The following NRDC variants were observed in gnomAD, a reference collection of about 807,000 sequenced individuals.
NRDC encodes nardilysin convertase, also known as nardilysin.
NRDC carries 54 observed loss-of-function variants against 147.1 expected under a neutral mutation model. That is an observed-to-expected ratio of 0.37 (90% CI 0.29 to 0.46). NRDC has a LOEUF of 0.46. Among genes scored for constraint, NRDC ranks in the 20% least tolerant of loss-of-function variants. The pLI is 1.00. For missense variants in NRDC, 1,082 were observed against 1,370.6 expected (o/e 0.79, Z 3.33); for synonymous variants, 440 against 482.1 (o/e 0.91, Z 1.14).
At chr1:51,838,234 T>C (rs1681082899) in intron 2 of NRDC, among the ~76,000 whole-genome samples, 1 of 152,278 alleles carries the variant, frequency 6.6e-6, no homozygotes, top group East Asian at 1.9e-4. Flanking sequence ...AAAGGTAGCA[T>C]CTAAGCCATT....
chr1:51,861,246 G>A (rs762485797), intron 1 of NRDC, among the ~76,000 whole-genome samples: 7 of 143,194 alleles, frequency 4.9e-5, no homozygotes, highest in South Asian at 2.1e-4. Context: ...CACTGCACCC[G>A]GCTGCCCAAG....
At chr1:51,851,497 A>G (rs1681944921) in intron 1 of NRDC, among the ~76,000 whole-genome samples, 1 of 151,410 alleles carries the variant, frequency 6.6e-6, no homozygotes, top group African/African-American at 2.4e-5. Context: ...TTTGTAGCCC[A>G]TTAGGGTGTA....
At chr1:51,854,785 T>G (rs1682152130) in intron 1 of NRDC, among the ~76,000 whole-genome samples, 1 of 152,106 alleles carries the variant, frequency 6.6e-6, no homozygotes, top group Non-Finnish European at 1.5e-5. Context: ...GCCAAGGAAG[T>G]TAAGAGTCAC....
rs564190884 is a variant in NRDC at position 51,813,685 on chromosome 1, T to C, written c.1674+350A>G. On this transcript the variant is annotated intron_variant, in intron 14 of 30. Transcript: ENST00000352171. ...AACATTATACATGGTAAATATAAAT[T>C]ACCTTATAGAATGTCTTCACAATAT... 2.6e-5 allele frequency among the ~76,000 whole-genome samples: 4 copies of C among 152,278 alleles called. 1 individual carries two copies. The South Asian group carries it at 8.3e-4, about 32-fold the overall frequency.
intron 1 of NRDC, among the ~76,000 whole-genome samples, chr1:51,875,747 GCTCA>G (rs34338491): frequency 0.24 from 37,079 of 151,668 alleles, 5,665 homozygotes; most frequent in Non-Finnish European, 0.34. Context: ...AGAGACAGGG[GCTCA>G]CTATGTTGCC....
At chr1:51,806,771 G>C in intron 18 of NRDC, 23 bp downstream of exon 18, 4 of 1,607,884 alleles carry the variant, frequency 2.5e-6, no homozygotes, top group Non-Finnish European at 3.4e-6. Flanking sequence ...CAGCAGGGAA[G>C]TAACAGGAGG....
intron 1 of NRDC, among the ~76,000 whole-genome samples, chr1:51,877,822 C>T (rs887250765): frequency 6.6e-6 from 1 of 152,198 alleles, no homozygotes; most frequent in Non-Finnish European, 1.5e-5. Context: ...TGAAGCCACA[C>T]CATCCTCTGG....
intron 4 of NRDC, among the ~76,000 whole-genome samples, chr1:51,829,273 T>C (rs1042651619): frequency 6.6e-6 from 1 of 152,194 alleles, no homozygotes. Context: ...CTCCAGCTGC[T>C]GGGCTCAAGT....
At chr1:51,849,153 G>A (rs893236708) in intron 1 of NRDC, among the ~76,000 whole-genome samples, 6 of 152,144 alleles carry the variant, frequency 3.9e-5, no homozygotes, top group African/African-American at 4.8e-5. Flanking sequence ...TTGGGAGGCC[G>A]AGACGGGCGG....
At chr1:51,866,637 C>A (rs1331770422) in intron 1 of NRDC, among the ~76,000 whole-genome samples, 1 of 149,514 alleles carries the variant, frequency 6.7e-6, no homozygotes, top group African/African-American at 2.5e-5. Flanking sequence ...TTGGTTAACA[C>A]AAATAACTAG....
chr1:51,825,344 C>T lies in NRDC; in HGVS notation c.979G>A (p.Glu327Lys). 2 of 1,593,146 alleles carry T rather than the reference C, an allele frequency of 1.3e-6. No individual in the cohort carries two copies. The highest frequency in any genetic ancestry group is 1.7e-6 in the Non-Finnish European group (2 of 1,174,848). The change falls in exon 6 of 31, where the codon GAA becomes AAA. Residue 327 changes from glutamate to lysine, a missense_variant. By Grantham distance (56) the Glu-to-Lys change is moderately conservative. Around this residue, in one of 3 missense-constraint regions of NRDC, gnomAD observed 635 missense variants for 923.8 expected, o/e 0.69. Transcript: ENST00000352171. Reference sequence around the variant, plus strand: ...CTAGCAAGGCTTCCAAACAACATTTCCTTTCTGTTTGCATCAGAAGGCCTT... The same window carrying T: ...CTAGCAAGGCTTCCAAACAACATTTTCTTTCTGTTTGCATCAGAAGGCCTT... The part of the protein sequence containing the change: ...LARPSDANRK[E>K]MLFGSLARPG...
chr1:51,878,647 C>T lies in NRDC; in HGVS notation c.-32G>A. 1 of 1,566,770 alleles carries T rather than the reference C, an allele frequency of 6.4e-7. No individual in the cohort carries two copies. The highest frequency in any genetic ancestry group is 8.7e-7 in the Non-Finnish European group (1 of 1,151,512). ...CCAAGCTGGAGCGATGGACATCCCG[C>T]TTCCCAGGACCCACCTCCTCCGCGT... On this transcript the variant is annotated 5_prime_UTR_variant, in exon 1 of 31. Transcript: ENST00000352171.
intron 9 of NRDC, 49 bp from the exon 10 acceptor site, chr1:51,818,184 A>G (rs1156734370): frequency 8.3e-7 from 1 of 1,204,442 alleles, no homozygotes; most frequent in African/African-American, 1.6e-5. Context: ...TTTCTCTATG[A>G]CTTTTACTAC....
At chr1:51,791,487 T>C in intron 27 of NRDC, 91 bp downstream of exon 27, 4 of 1,029,294 alleles carry the variant, frequency 3.9e-6, no homozygotes, top group Non-Finnish European at 6.1e-6. Flanking sequence ...ACCTGCTTGG[T>C]CAGGGTTGCC....
chr1:51,820,205 C>G (rs1278646015), intron 8 of NRDC, among the ~76,000 whole-genome samples: 2 of 152,134 alleles, frequency 1.3e-5, no homozygotes, highest in Non-Finnish European at 2.9e-5. Context: ...CAGAAAGAAA[C>G]AAACTAGAGA....
chr1:51,828,798 G>A lies in NRDC; in HGVS notation c.867-929C>T, dbSNP rs1446185327. On this transcript the variant is annotated intron_variant, in intron 4 of 30. Transcript: ENST00000352171. Reference sequence around the variant, plus strand: ...CAGTGGCACAATCACTGCTCACTGCGGCCTCAAACTGCCGGGTTCAAGCAA... The same window carrying A: ...CAGTGGCACAATCACTGCTCACTGCAGCCTCAAACTGCCGGGTTCAAGCAA... 7.4e-5 allele frequency among the ~76,000 whole-genome samples: 11 copies of A among 148,864 alleles called. No homozygotes were observed. In the East Asian group the frequency reaches 7.9e-4, roughly 11 times the overall value.
At chr1:51,825,255 T>C (rs1399584574) in intron 6 of NRDC, 32 bp downstream of exon 6, 1 of 1,270,616 alleles carries the variant, frequency 7.9e-7, no homozygotes, top group South Asian at 1.3e-5. Flanking sequence ...AACTAGAAAA[T>C]ATGAAATAAG....
At chr1:51,819,113 C>G (rs1379594728) in intron 9 of NRDC, among the ~76,000 whole-genome samples, 1 of 152,030 alleles carries the variant, frequency 6.6e-6, no homozygotes, top group Non-Finnish European at 1.5e-5. Flanking sequence ...ACCAGCCTGG[C>G]CAATGTGGTG....
intron 1 of NRDC, among the ~76,000 whole-genome samples, chr1:51,846,653 G>A (rs566013771): frequency 6.6e-6 from 1 of 152,300 alleles, no homozygotes; most frequent in African/African-American, 2.4e-5. Context: ...CAGGGTGAGT[G>A]TTATAGCTCA....
Sources: gnomAD v4.1 joint callset for allele counts (sites outside exome capture counted in the v4.1 genomes callset) on GRCh38, gnomAD v4.1.1 for gene constraint, gnomAD v4.1.1 regional missense constraint, MANE v1.5 for transcripts, NCBI Gene and HGNC (gene_info 2026-07-23, HGNC 2026-07-21) for gene names.